BBS9: variants seen among roughly 807,000 people sequenced by gnomAD.
BBS9 encodes Bardet-Biedl syndrome 9.
BBS9 carries 89 observed loss-of-function variants against 117.7 expected under a neutral mutation model. The ratio of observed to expected loss-of-function variants is 0.76; its 90% CI spans 0.64 to 0.90. The LOEUF (loss-of-function observed/expected upper bound fraction) is 0.90. Ranked by LOEUF, BBS9 falls within the 40% of genes least tolerant of loss-of-function variation. The probability of loss-of-function intolerance (pLI) is 0.00; values close to 1 mark genes in which losing one functional copy is unlikely to be tolerated. For synonymous variants in BBS9, 379 were observed against 370.9 expected (o/e 1.02, Z -0.25); for missense variants, 982 against 1,042.2 (o/e 0.94, Z 0.80).
intron 5 of BBS9, among the ~76,000 whole-genome samples, chr7:33,220,818 A>C (rs1790104262): frequency 6.6e-6 from 1 of 152,248 alleles, no homozygotes; most frequent in Non-Finnish European, 1.5e-5. Context: ...ACAAAAATGA[A>C]ACACTCTGAG....
chr7:33,517,558 A>G (rs1199982066), intron 20 of BBS9, among the ~76,000 whole-genome samples: 2 of 152,224 alleles, frequency 1.3e-5, no homozygotes, highest in African/African-American at 2.4e-5. Flanking sequence ...GTTGCCGCTC[A>G]ACAGCATACA....
rs539060756 is a variant in BBS9, at chr7:33,173,620, A to G, written c.329-3858A>G. Among the ~76,000 whole-genome samples, 5 of 152,252 alleles carry G rather than the reference A, an allele frequency of 3.3e-5. No homozygotes were observed. In the East Asian group the frequency reaches 7.7e-4, roughly 24 times the overall value. On this transcript the variant is annotated intron_variant, in intron 4 of 22. Transcript: ENST00000242067. The stretch of plus-strand genomic sequence containing the variant: ...AAATTTTAGAAGCTTCCACAGGTCA[A>G]TAGCCATCCCTAGATGAGACTATTT...
intron 20 of BBS9, among the ~76,000 whole-genome samples, chr7:33,525,227 G>C (rs1269978879): frequency 6.6e-6 from 1 of 150,444 alleles, no homozygotes; most frequent in African/African-American, 2.4e-5. Context: ...ATATTCTGTT[G>C]ATTTGGGGTG....
chr7:33,591,997 T>G (rs1253847860), intron 21 of BBS9, among the ~76,000 whole-genome samples: 1 of 152,084 alleles, frequency 6.6e-6, no homozygotes, highest in Non-Finnish European at 1.5e-5. Flanking sequence ...TACAGTATTT[T>G]CATGTGAATT....
intron 21 of BBS9, among the ~76,000 whole-genome samples, chr7:33,576,291 G>A (rs1028228068): frequency 2.6e-5 from 4 of 152,040 alleles, no homozygotes; most frequent in Non-Finnish European, 4.4e-5. Context: ...AATCATGAGT[G>A]GACTCCCATT....
intron 21 of BBS9, among the ~76,000 whole-genome samples, chr7:33,543,621 G>C (rs2700700): frequency 6.6e-6 from 1 of 152,244 alleles, no homozygotes; most frequent in Non-Finnish European, 1.5e-5. Context: ...TCTGTCTCAT[G>C]GCTCTTAAGA....
chr7:33,356,114 A>T (rs1031884203), intron 15 of BBS9, among the ~76,000 whole-genome samples: 4 of 151,820 alleles, frequency 2.6e-5, no homozygotes, highest in Non-Finnish European at 5.9e-5. Context: ...AATGAAGAAG[A>T]TGGAAACAAG....
intron 1 of BBS9, among the ~76,000 whole-genome samples, chr7:33,134,154 A>G (rs1413544238): frequency 1.3e-5 from 2 of 151,272 alleles, no homozygotes; most frequent in African/African-American, 4.9e-5. Context: ...GGTTCAAGCA[A>G]TTCTCCTGCC....
At chr7:33,627,281 A>G (rs1240960170) in intron 21 of BBS9, among the ~76,000 whole-genome samples, 2 of 152,250 alleles carry the variant, frequency 1.3e-5, no homozygotes, top group Non-Finnish European at 2.9e-5. Flanking sequence ...CTGCAGGTGC[A>G]TAAAGGGCAA....
At chr7:33,586,000 C>T (rs1860822852) in intron 21 of BBS9, among the ~76,000 whole-genome samples, 1 of 151,952 alleles carries the variant, frequency 6.6e-6, no homozygotes, top group Non-Finnish European at 1.5e-5. Context: ...TACTGAGCAT[C>T]ACTTTACCTC....
At position 33,366,061 on chromosome 7, in the gene BBS9, G is replaced by A. The variant is rs1266726783; in HGVS notation, c.1694-1706G>A. Among the ~76,000 whole-genome samples, 7 of 152,170 alleles carry A rather than the reference G, an allele frequency of 4.6e-5. 1 individual carries two copies. In the South Asian group the frequency reaches 1.2e-3, roughly 27 times the overall value. ...GAAGTGACTGTGACCTGGGGGTTAG[G>A]GGAATGTGCAAGGTTTGGAGAGGTG... is the stretch of plus-strand genomic sequence containing the variant. On this transcript the variant is annotated intron_variant, in intron 16 of 22. Coordinates refer to ENST00000242067, the MANE Select transcript of BBS9 (RefSeq NM_198428.3).
intron 19 of BBS9, 74 bp from the exon 20 acceptor site, chr7:33,505,389 G>C (rs911530349): frequency 6.9e-7 from 1 of 1,449,360 alleles, no homozygotes. Flanking sequence ...AAAAACAAAA[G>C]TGTGCCAGAC....
At chr7:33,202,031 G>C (rs937534976) in intron 5 of BBS9, among the ~76,000 whole-genome samples, 4 of 152,160 alleles carry the variant, frequency 2.6e-5, no homozygotes, top group Non-Finnish European at 4.4e-5. Flanking sequence ...CTGGGACCCA[G>C]TGAATGTTCA....
At chr7:33,613,546 G>A (rs1037914170) in intron 21 of BBS9, among the ~76,000 whole-genome samples, 1 of 151,914 alleles carries the variant, frequency 6.6e-6, no homozygotes, top group African/African-American at 2.4e-5. Flanking sequence ...TTGGAAATAT[G>A]ACTTGTATGC....
intron 5 of BBS9, among the ~76,000 whole-genome samples, chr7:33,224,681 G>A (rs1444982030): frequency 6.6e-6 from 1 of 152,130 alleles, no homozygotes; most frequent in African/African-American, 2.4e-5. Context: ...CCACAGTCTG[G>A]ATTTTGCTCA....
At chr7:33,577,378 C>T (rs1233566202) in intron 21 of BBS9, among the ~76,000 whole-genome samples, 2 of 152,120 alleles carry the variant, frequency 1.3e-5, no homozygotes, top group South Asian at 2.1e-4. Context: ...GTTAGAATGG[C>T]GATCGTTAAA....
At chr7:33,514,867 A>G (rs1399931431) in intron 20 of BBS9, among the ~76,000 whole-genome samples, 1 of 152,116 alleles carries the variant, frequency 6.6e-6, no homozygotes, top group East Asian at 1.9e-4. Flanking sequence ...AGTGGTGCTA[A>G]ATGCTGTAAA....
intron 16 of BBS9, among the ~76,000 whole-genome samples, 154 bp from the exon 17 acceptor site, chr7:33,367,613 A>G (rs560898278): frequency 2.0e-5 from 3 of 152,342 alleles, no homozygotes; most frequent in South Asian, 4.1e-4. Flanking sequence ...GGAAGCTACT[A>G]TGGAAATCAA....
intron 20 of BBS9, among the ~76,000 whole-genome samples, chr7:33,507,130 A>G (rs1430306017): frequency 1.3e-5 from 2 of 152,242 alleles, no homozygotes; most frequent in Non-Finnish European, 2.9e-5. Flanking sequence ...AGATAATTAC[A>G]TAGAGTGCTA....
Sources: gnomAD v4.1 joint callset for allele counts (sites outside exome capture counted in the v4.1 genomes callset) on GRCh38, gnomAD v4.1.1 for gene constraint, MANE v1.5 for transcripts, NCBI Gene and HGNC (gene_info 2026-07-23, HGNC 2026-07-21) for gene names.